IQCJ: variants seen among roughly 807,000 people sequenced by gnomAD.
IQCJ encodes the protein IQ domain-containing protein J.
Under a neutral mutation model 11.0 loss-of-function variants are expected in IQCJ, and 9 were observed. The ratio of observed to expected loss-of-function variants is 0.82; its 90% CI spans 0.49 to 1.43. IQCJ has a LOEUF of 1.43. Among genes scored for constraint, IQCJ ranks in the 40% most tolerant of loss-of-function variants. The probability of loss-of-function intolerance (pLI) is 0.00; values close to 1 mark genes in which losing one functional copy is unlikely to be tolerated. For synonymous variants in IQCJ, 55 were observed against 51.3 expected, an observed-to-expected ratio of 1.07 and a Z score of -0.31; for missense variants, 146 against 133.2, an observed-to-expected ratio of 1.10 and a Z score of -0.47.
chr3:159,136,546 A>G (rs1720300302), intron 1 of IQCJ, among the ~76,000 whole-genome samples: 1 of 152,182 alleles, frequency 6.6e-6, no homozygotes, highest in African/African-American at 2.4e-5. Context: ...GAACAGTAGA[A>G]ATTTATTTCT....
intron 1 of IQCJ, among the ~76,000 whole-genome samples, chr3:159,150,846 T>C (rs959957624): frequency 6.6e-6 from 1 of 152,210 alleles, no homozygotes; most frequent in African/African-American, 2.4e-5. Flanking sequence ...CACCTTCATC[T>C]GCCTACTCAG....
intron 1 of IQCJ, among the ~76,000 whole-genome samples, chr3:159,160,632 T>C (rs1721788869): frequency 1.3e-5 from 2 of 151,912 alleles, no homozygotes; most frequent in South Asian, 2.1e-4. Flanking sequence ...GCTGCACCCA[T>C]TAACTCGTCA....
intron 3 of IQCJ, among the ~76,000 whole-genome samples, chr3:159,257,083 T>C (rs549911284): frequency 1.3e-5 from 2 of 152,174 alleles, no homozygotes; most frequent in Admixed American, 1.3e-4. Context: ...GAGATAAAAC[T>C]TTTTCTTCTT....
intron 1 of IQCJ, among the ~76,000 whole-genome samples, chr3:159,103,876 G>A (rs186391542): frequency 5.3e-4 from 80 of 152,372 alleles, no homozygotes; most frequent in Admixed American, 2.3e-3. Flanking sequence ...GTAGTTTTCC[G>A]TTTTGAAATG....
chr3:159,191,733 T>C (rs1372847529), intron 1 of IQCJ, among the ~76,000 whole-genome samples: 2 of 152,180 alleles, frequency 1.3e-5, no homozygotes, highest in African/African-American at 4.8e-5. Context: ...TGACTAATAT[T>C]ATAGCTATTT....
chr3:159,201,199 A>T, intron 1 of IQCJ, among the ~76,000 whole-genome samples: 1 of 152,212 alleles, frequency 6.6e-6, no homozygotes, highest in East Asian at 1.9e-4. Context: ...GGCTGATTAC[A>T]TTTAATAATT....
intron 2 of IQCJ, among the ~76,000 whole-genome samples, chr3:159,246,948 A>T (rs992908246): frequency 9.2e-5 from 14 of 152,300 alleles, no homozygotes; most frequent in African/African-American, 3.1e-4. Context: ...AACAGAATGA[A>T]CTTTGTTAAG....
chr3:159,115,721 T>A (rs1718942293), intron 1 of IQCJ, among the ~76,000 whole-genome samples: 1 of 152,206 alleles, frequency 6.6e-6, no homozygotes, highest in Admixed American at 6.5e-5. Context: ...CAAGAGGTAA[T>A]TTTAGTCTGG....
At chr3:159,133,789 G>A (rs1720130332) in intron 1 of IQCJ, among the ~76,000 whole-genome samples, 1 of 152,074 alleles carries the variant, frequency 6.6e-6, no homozygotes, top group African/African-American at 2.4e-5. Context: ...GTTTCTGTTA[G>A]TAGAATGTAC....
intron 1 of IQCJ, among the ~76,000 whole-genome samples, chr3:159,126,166 G>A (rs1483831628): frequency 2.0e-5 from 3 of 152,196 alleles, no homozygotes; most frequent in African/African-American, 7.2e-5. Context: ...AAGTCAGAGT[G>A]GAGGAGCATG....
intron 1 of IQCJ, among the ~76,000 whole-genome samples, chr3:159,071,444 T>C (rs927168605): frequency 6.6e-6 from 1 of 152,018 alleles, no homozygotes; most frequent in Non-Finnish European, 1.5e-5. Context: ...ATGAAGGTTT[T>C]AAATTGAATG....
chr3:159,194,189 T>A (rs1723848105), intron 1 of IQCJ, among the ~76,000 whole-genome samples: 1 of 152,230 alleles, frequency 6.6e-6, no homozygotes. Flanking sequence ...TGCTCAGATA[T>A]GAAATTGATG....
intron 1 of IQCJ, among the ~76,000 whole-genome samples, chr3:159,090,368 G>A (rs926138523): frequency 7.2e-5 from 11 of 151,952 alleles, no homozygotes; most frequent in Admixed American, 3.3e-4. Flanking sequence ...CGTCTTCTGC[G>A]TCGCTCACGC....
Position 159,222,444 on chromosome 3 carries a change from A to G in IQCJ, c.10-23399A>G, listed in dbSNP as rs112957286. ...CCAGGCACAAAAAGAAAAATATTGCATAATGTAACTTCTGCAGGTTTCCCT... is the reference window on the plus strand; with the variant it reads ...CCAGGCACAAAAAGAAAAATATTGCGTAATGTAACTTCTGCAGGTTTCCCT... On this transcript the variant is annotated intron_variant, in intron 1 of 3. Transcript: ENST00000397832. Among the ~76,000 whole-genome samples the G allele has an allele frequency of 3.6e-3, 547 of 152,320 alleles. 1 individual carries two copies. Among genetic ancestry groups the G allele is most frequent in the African/African-American group, 0.013 (521 of 41,570 alleles).
At chr3:159,139,405 AC>A (rs1720476256) in intron 1 of IQCJ, among the ~76,000 whole-genome samples, 1 of 152,160 alleles carries the variant, frequency 6.6e-6, no homozygotes, top group Admixed American at 6.5e-5. Flanking sequence ...ACTTGGATGC[AC>A]CCCAACTTCT....
chr3:159,069,521 T>A (rs1715393535), intron 1 of IQCJ, 80 bp downstream of exon 1: 4 of 1,546,386 alleles, frequency 2.6e-6, no homozygotes, highest in Non-Finnish European at 2.6e-6. Context: ...AAATCTGTCT[T>A]CTGAATTAAC....
chr3:159,070,913 A>G (rs1167702235), intron 1 of IQCJ, among the ~76,000 whole-genome samples: 2 of 151,992 alleles, frequency 1.3e-5, no homozygotes, highest in East Asian at 3.9e-4. Context: ...TAATTATTTT[A>G]TATTGGCTAT....
In IQCJ at chr3:159,161,785, G is replaced by A. The variant is rs1185732962; in HGVS notation, c.10-84058G>A. The stretch of plus-strand genomic sequence containing the variant: ...TTTCCCAGCACCATTTATTAAATAG[G>A]GAATCCTTTCCTCATTGCTTGTTTT... On this transcript the variant is annotated intron_variant, in intron 1 of 3. Transcript: ENST00000397832. Among the ~76,000 whole-genome samples the A allele has an allele frequency of 2.0e-5, 3 of 152,268 alleles. No homozygotes were observed. In the South Asian group the frequency reaches 6.2e-4, roughly 32 times the overall value.
intron 1 of IQCJ, among the ~76,000 whole-genome samples, chr3:159,200,431 CA>C (rs1375308078): frequency 6.6e-6 from 1 of 152,000 alleles, no homozygotes; most frequent in Non-Finnish European, 1.5e-5. Flanking sequence ...ATGAATCAGT[CA>C]GGGTTATTTT....
Sources: allele counts gnomAD v4.1 joint callset (sites outside exome capture counted in the v4.1 genomes callset), GRCh38; gene constraint gnomAD v4.1.1; transcripts MANE v1.5; gene names NCBI Gene and HGNC (gene_info 2026-07-23, HGNC 2026-07-21).